CEP44: variants seen among roughly 807,000 people sequenced by gnomAD.
CEP44 encodes centrosomal protein of 44 kDa.
Under a neutral mutation model 46.7 loss-of-function variants are expected in CEP44, and 45 were observed. That is an observed-to-expected ratio of 0.96 (90% CI 0.76 to 1.24). The LOEUF (loss-of-function observed/expected upper bound fraction) is 1.24, where lower values mean the gene tolerates loss of function less well. Ranked by LOEUF, CEP44 falls within the 50% of genes most tolerant of loss-of-function variation. The probability of loss-of-function intolerance (pLI) is 0.00; values close to 1 mark genes in which losing one functional copy is unlikely to be tolerated. For synonymous variants in CEP44, 142 were observed against 146.0 expected (o/e 0.97, Z 0.20); for missense variants, 475 against 459.7 (o/e 1.03, Z -0.30).
chr4:174,308,926 C>T (rs1311931364), intron 7 of CEP44, 67 bp downstream of exon 7: 8 of 1,348,166 alleles, frequency 5.9e-6, no homozygotes, highest in Middle Eastern at 1.9e-4. Flanking sequence ...ATTATTTCAG[C>T]CTCTAAACTT....
intron 1 of CEP44, among the ~76,000 whole-genome samples, chr4:174,295,072 C>T (rs1199122052): frequency 5.5e-5 from 8 of 145,552 alleles, no homozygotes; most frequent in East Asian, 2.1e-4. Flanking sequence ...GCTGGCCGGG[C>T]GGGGGGCTGA....
chr4:174,313,450 A>C (rs1409159001), intron 9 of CEP44, among the ~76,000 whole-genome samples: 3 of 151,854 alleles, frequency 2.0e-5, no homozygotes, highest in African/African-American at 7.3e-5. Flanking sequence ...CAGGAAGGGT[A>C]CATGTGAGCA....
At chr4:174,307,017 T>C (rs1740488941) in intron 6 of CEP44, among the ~76,000 whole-genome samples, 1 of 152,126 alleles carries the variant, frequency 6.6e-6, no homozygotes, top group Non-Finnish European at 1.5e-5. Context: ...GAATCAATAT[T>C]GTTAAAATGA....
chr4:174,305,588 G>A (rs531831929), intron 6 of CEP44, among the ~76,000 whole-genome samples: 57 of 152,214 alleles, frequency 3.7e-4, no homozygotes, highest in Non-Finnish European at 5.6e-4. Flanking sequence ...ATACAAAGCC[G>A]CCATTTTTGA....
rs1029114922 is a variant in CEP44 at position 174,311,029 on chromosome 4, C to G, written c.961+171C>G. ...GCCAAGAATTGCTTAACTAACCAGC[C>G]TACTTATTTCACATAACATAGTGGG... On this transcript the variant is annotated intron_variant, in intron 9 of 11. Coordinates refer to ENST00000503780, the MANE Select transcript of CEP44 (RefSeq NM_001040157.3). The surrounding 1 kb of genome is among the most constrained non-coding windows in gnomAD (Gnocchi z 4.4). Among the ~76,000 whole-genome samples the G allele has an allele frequency of 2.0e-5, 3 of 151,932 alleles. No individual in the cohort carries two copies. The highest frequency in any genetic ancestry group is 7.2e-5 in the African/African-American group (3 of 41,414).
chr4:174,284,003 C>G (rs1737245688), intron 1 of CEP44, 60 bp downstream of exon 1: 4 of 399,812 alleles, frequency 1.0e-5, no homozygotes, highest in Middle Eastern at 6.3e-4. Context: ...AGAAGCGCTT[C>G]TGGGCGCAGG....
chr4:174,317,233 T>A (rs1303313926), intron 11 of CEP44, 102 bp from the exon 12 acceptor site: 1 of 460,978 alleles, frequency 2.2e-6, no homozygotes, highest in African/African-American at 2.0e-5. Context: ...AAGAAAAATA[T>A]TCAAATTTAT....
chr4:174,324,162 G>C (rs192645146), downstream of CEP44, among the ~76,000 whole-genome samples: 1 of 152,030 alleles, frequency 6.6e-6, no homozygotes. Flanking sequence ...ACCATATTTA[G>C]TCTTTTGTGT....
At chr4:174,289,042 A>G (rs1299507582) in intron 1 of CEP44, among the ~76,000 whole-genome samples, 2 of 152,116 alleles carry the variant, frequency 1.3e-5, no homozygotes, top group East Asian at 1.9e-4. Flanking sequence ...CCTTCATTCT[A>G]TTAATGCAGT....
downstream of CEP44, among the ~76,000 whole-genome samples, chr4:174,320,489 G>A (rs1742214699): frequency 6.6e-6 from 1 of 151,586 alleles, no homozygotes; most frequent in South Asian, 2.1e-4. Context: ...ACAGTCCCCA[G>A]GTTTGTCTCC....
At chr4:174,284,375 A>C (rs1288790357) in intron 1 of CEP44, 1 of 244,246 alleles carries the variant, frequency 4.1e-6, no homozygotes, top group Non-Finnish European at 7.8e-6. Flanking sequence ...GTTGTGACTT[A>C]GGGTTGGAAA....
At position 174,290,291 on chromosome 4, in the gene CEP44, C is replaced by G. The variant is rs1738046725; in HGVS notation, c.-148+6348C>G. Among the ~76,000 whole-genome samples the G allele has an allele frequency of 6.6e-6, 1 of 151,652 alleles. No individual in the cohort carries two copies. Among genetic ancestry groups the G allele is most frequent in the South Asian group, 2.1e-4 (1 of 4,812 alleles). On this transcript the variant is annotated intron_variant, in intron 1 of 11. Transcript: ENST00000503780. The surrounding 1 kb of genome is among the most constrained non-coding windows in gnomAD (Gnocchi z 4.3). The stretch of plus-strand genomic sequence containing the variant: ...TTTATAATTTCTGTTTTGATTTATT[C>G]TTTGACCCAGTATTATTTAATAGTA...
chr4:174,306,717 C>A (rs1221409027), intron 6 of CEP44, among the ~76,000 whole-genome samples: 2 of 151,940 alleles, frequency 1.3e-5, no homozygotes, highest in African/African-American at 4.8e-5. Flanking sequence ...GTAGGAGGAT[C>A]TTCTCAGCCC....
Position 174,309,998 on chromosome 4 carries a change from G to A in CEP44, c.827G>A (p.Trp276Ter), listed in dbSNP as rs767580733. ...AAAGTGATGGTAGATGAAAACACCTGGACTAATCTTCTTAGTCGTGTCACT... is the reference window on the plus strand; with the variant it reads ...AAAGTGATGGTAGATGAAAACACCTAGACTAATCTTCTTAGTCGTGTCACT... The part of the protein sequence containing the change: ...KGKVMVDENT[W>*]TNLLSRVTLL... The change falls in exon 8 of 12, where the codon TGG (tryptophan) becomes TAG (stop). Residue 276 changes from tryptophan (W) to a stop codon, truncating the protein, a stop_gained. Transcript: ENST00000503780. LOFTEE classifies it high-confidence loss of function. This position sits in a 1 kb window ranked among gnomAD's most constrained non-coding sequence, Gnocchi z 5.3. 20 of 1,612,484 alleles carry A rather than the reference G, an allele frequency of 1.2e-5. No homozygotes were observed. The highest frequency in any genetic ancestry group is 1.4e-5 in the Non-Finnish European group (17 of 1,179,132).
Position 174,319,893 on chromosome 4 carries a change from G to A in CEP44, c.*2510G>A. ...TTTTCTTGTTTAGGCAATTTGGTAA[G>A]TGGTTTCTAGTTATAAACTAGCCAC... is the stretch of plus-strand genomic sequence containing the variant. On this transcript the variant is annotated 3_prime_UTR_variant, in exon 12 of 12. Coordinates refer to ENST00000503780, the MANE Select transcript of CEP44 (RefSeq NM_001040157.3). 1 of 985,324 alleles carries A rather than the reference G, an allele frequency of 1.0e-6. No homozygotes were observed. Among genetic ancestry groups the A allele is most frequent in the South Asian group, 4.7e-5 (1 of 21,290 alleles). The allele number at this position is 985,324 out of a possible 1,614,324, so 61.0% of individuals were successfully genotyped here.
At position 174,331,365 on chromosome 4, in the gene CEP44, A is replaced by G. The variant is rs1318874047; in HGVS notation, c.1087-117A>G. The G allele has an allele frequency of 1.0e-5, 11 of 1,051,166 alleles. No individual in the cohort carries two copies. In the African/African-American group the frequency reaches 1.3e-4, roughly 12 times the overall value. 65.1% of individuals were successfully genotyped at this position (1,051,166 alleles called of 1,614,324 possible). ...TTTAGGCATTATTTTCAGAGTACCT[A>G]TTATGGAAGAGGAGGAAATATTAAT... On this transcript the variant is annotated intron_variant, in intron 8 of 8. Coordinates refer to the CEP44 transcript ENST00000426172. This position sits in a 1 kb window ranked among gnomAD's most constrained non-coding sequence, Gnocchi z 4.5.
At position 174,317,359 on chromosome 4, in the gene CEP44, G is replaced by A; in HGVS notation, c.1149G>A (p.Leu383=). The change falls in exon 12 of 12, where the codon CTG becomes CTA. Residue 383 remains leucine (L), a synonymous_variant. Transcript: ENST00000503780. ...KKMFEETAEL[L]KCPNHYL ...GGTTTGAAGAAACTGCAGAGTTACT[G>A]AAATGTCCAAATCACTACTTGTAGG... 3 of 1,416,762 alleles carry A rather than the reference G, an allele frequency of 2.1e-6. No individual in the cohort carries two copies. Among genetic ancestry groups the A allele is most frequent in the Non-Finnish European group, 2.8e-6 (3 of 1,062,320 alleles). 87.8% of individuals were successfully genotyped at this position (1,416,762 alleles called of 1,614,324 possible).
At position 174,301,933 on chromosome 4, in the gene CEP44, G is replaced by T; in HGVS notation, c.90-106G>T. On this transcript the variant is annotated intron_variant, in intron 3 of 11. Coordinates refer to ENST00000503780, the MANE Select transcript of CEP44 (RefSeq NM_001040157.3). This position sits in a 1 kb window ranked among gnomAD's most constrained non-coding sequence, Gnocchi z 4.3. ...CTAATTATTATAGCTATAGTGTTAAGTTTTAAATTATTATAAACATTTCTA... is the reference window on the plus strand; with the variant it reads ...CTAATTATTATAGCTATAGTGTTAATTTTTAAATTATTATAAACATTTCTA... 1 of 1,028,762 alleles carries T rather than the reference G, an allele frequency of 9.7e-7. No homozygotes were observed. 63.7% of individuals were successfully genotyped at this position (1,028,762 alleles called of 1,614,324 possible).
chr4:174,317,551 T>C lies in CEP44; in HGVS notation c.*168T>C, dbSNP rs896012870. The stretch of plus-strand genomic sequence containing the variant: ...CATTATTGAATAACTCTTTTAATAT[T>C]TTTGAGCAATGATTATACTGCTTTA... On this transcript the variant is annotated 3_prime_UTR_variant, in exon 12 of 12. Transcript: ENST00000503780. The C allele has an allele frequency of 4.2e-6, 5 of 1,180,160 alleles. No homozygotes were observed. Among genetic ancestry groups the C allele is most frequent in the Non-Finnish European group, 5.3e-6 (5 of 946,708 alleles). 73.1% of individuals were successfully genotyped at this position (1,180,160 alleles called of 1,614,324 possible).
Sources: allele counts gnomAD v4.1 joint callset (sites outside exome capture counted in the v4.1 genomes callset), GRCh38; gene constraint gnomAD v4.1.1; non-coding constraint Gnocchi (gnomAD v3.1); transcripts MANE v1.5; gene names NCBI Gene and HGNC (gene_info 2026-07-23, HGNC 2026-07-21).